The following SUPT3H variants were observed in gnomAD, a reference collection of about 807,000 sequenced individuals.
SUPT3H encodes transcription initiation protein SPT3 homolog.
A neutral mutation model predicts 44.3 loss-of-function variants in SUPT3H; 44 were observed. That is an observed-to-expected ratio of 0.99 (90% confidence interval 0.78 to 1.28). SUPT3H has a LOEUF of 1.28. Ranked by LOEUF, SUPT3H falls within the 50% of genes most tolerant of loss-of-function variation. The pLI, the probability that SUPT3H is intolerant of heterozygous loss-of-function variation, is 0.00. For synonymous variants in SUPT3H, 124 were observed against 125.6 expected, an observed-to-expected ratio of 0.99 and a Z score of 0.09; for missense variants, 380 against 387.1, an observed-to-expected ratio of 0.98 and a Z score of 0.15.
At chr6:45,196,519 A>C (rs1816058572) in intron 2 of SUPT3H, among the ~76,000 whole-genome samples, 2 of 152,130 alleles carry the variant, frequency 1.3e-5, no homozygotes, top group Middle Eastern at 3.4e-3. Flanking sequence ...ATTTTCACTA[A>C]CTGAAAGACT....
chr6:45,043,167 A>ACACC (rs1011090608), intron 3 of SUPT3H, among the ~76,000 whole-genome samples: 1 of 151,304 alleles, frequency 6.6e-6, no homozygotes, highest in Admixed American at 6.6e-5. Flanking sequence ...ACACACACAC[A>ACACC]CACGCACACA....
At chr6:45,054,073 A>AGG (rs1434395690) in intron 3 of SUPT3H, among the ~76,000 whole-genome samples, 5 of 152,056 alleles carry the variant, frequency 3.3e-5, no homozygotes, top group Non-Finnish European at 5.9e-5. Context: ...AGTTCCCTTC[A>AGG]GTTTATGTGT....
chr6:45,286,357 G>C (rs1233385454), intron 2 of SUPT3H, among the ~76,000 whole-genome samples: 1 of 152,044 alleles, frequency 6.6e-6, no homozygotes, highest in Non-Finnish European at 1.5e-5. Flanking sequence ...TCTGACAAAG[G>C]GCGAATATCT....
chr6:45,242,825 A>G (rs904882823), intron 2 of SUPT3H, among the ~76,000 whole-genome samples: 1 of 152,164 alleles, frequency 6.6e-6, no homozygotes, highest in Non-Finnish European at 1.5e-5. Context: ...TAAGGCCCAT[A>G]AACAGAAGAA....
intron 3 of SUPT3H, among the ~76,000 whole-genome samples, chr6:45,078,171 TCCTCCGGTCATTTTATA>T (rs1405492763): frequency 6.6e-6 from 1 of 152,110 alleles, no homozygotes; most frequent in Non-Finnish European, 1.5e-5. Flanking sequence ...CCATGTCCAG[TCCTCCGGTCATTTTATA>T]CCTCCTTTCT....
chr6:44,925,212 G>A (rs1017957582), intron 10 of SUPT3H, among the ~76,000 whole-genome samples: 3 of 152,120 alleles, frequency 2.0e-5, no homozygotes, highest in Admixed American at 6.6e-5. Flanking sequence ...AGAGTCAGGA[G>A]GCTGGATTCT....
intron 2 of SUPT3H, among the ~76,000 whole-genome samples, chr6:45,284,861 G>A (rs950052117): frequency 2.6e-5 from 4 of 152,140 alleles, no homozygotes; most frequent in African/African-American, 9.7e-5. Context: ...CTGGCAAACC[G>A]AATTCAGCAG....
At chr6:45,281,839 A>C (rs1052304304) in intron 2 of SUPT3H, among the ~76,000 whole-genome samples, 2 of 152,130 alleles carry the variant, frequency 1.3e-5, no homozygotes, top group Non-Finnish European at 2.9e-5. Context: ...GGCACCCCCC[A>C]GTAGGGGCAG....
chr6:45,297,624 T>C (rs370172836), intron 2 of SUPT3H, among the ~76,000 whole-genome samples: 2 of 152,324 alleles, frequency 1.3e-5, no homozygotes, highest in East Asian at 3.9e-4. Context: ...AACCAATAAA[T>C]TGTTGGAGGC....
intron 2 of SUPT3H, among the ~76,000 whole-genome samples, chr6:45,190,124 T>A (rs913984872): frequency 3.9e-5 from 6 of 152,106 alleles, no homozygotes; most frequent in Admixed American, 1.3e-4. Flanking sequence ...ATGAATTAGG[T>A]TTCTTTACTA....
At chr6:45,315,907 A>T (rs1174496444) in intron 2 of SUPT3H, among the ~76,000 whole-genome samples, 1 of 150,018 alleles carries the variant, frequency 6.7e-6, no homozygotes, top group East Asian at 2.0e-4. Flanking sequence ...GAGTGGATAA[A>T]GAAGCTCAGA....
At chr6:44,986,679 G>A (rs978671125) in intron 6 of SUPT3H, among the ~76,000 whole-genome samples, 1 of 152,038 alleles carries the variant, frequency 6.6e-6, no homozygotes, top group Non-Finnish European at 1.5e-5. Flanking sequence ...TTTCTGAACA[G>A]AATCACATAC....
At chr6:45,327,581 T>A (rs989050665) in intron 2 of SUPT3H, among the ~76,000 whole-genome samples, 26 of 151,972 alleles carry the variant, frequency 1.7e-4, no homozygotes, top group African/African-American at 5.8e-4. Context: ...TTACATTTAA[T>A]CTTTATTGTA....
At chr6:44,930,064 A>G (rs1032250901) in intron 10 of SUPT3H, among the ~76,000 whole-genome samples, 1 of 152,118 alleles carries the variant, frequency 6.6e-6, no homozygotes, top group Admixed American at 6.5e-5. Context: ...CCTGGCCAAC[A>G]TGGCGAAGTT....
At position 45,083,109 on chromosome 6, in the gene SUPT3H, A is replaced by G. The variant is rs1796022642; in HGVS notation, c.186+22813T>C. Reference sequence around the variant, plus strand: ...AGGAGAACTATAAAACCCTGCTGTAAGAAATCACAGAATGACACAAATGGA... The same window carrying G: ...AGGAGAACTATAAAACCCTGCTGTAGGAAATCACAGAATGACACAAATGGA... On this transcript the variant is annotated intron_variant, in intron 3 of 10. Transcript: ENST00000371459. Among the ~76,000 whole-genome samples the G allele has an allele frequency of 1.3e-5, 2 of 151,764 alleles. 1 individual carries two copies. Among genetic ancestry groups the G allele is most frequent in the South Asian group, 4.2e-4 (2 of 4,816 alleles).
intron 3 of SUPT3H, among the ~76,000 whole-genome samples, chr6:45,053,383 C>T (rs908258417): frequency 6.6e-6 from 1 of 151,724 alleles, no homozygotes; most frequent in Admixed American, 6.6e-5. Context: ...GAATAGCAAC[C>T]AAAAATTTAA....
At chr6:44,890,922 T>A (rs1763204781) in intron 10 of SUPT3H, among the ~76,000 whole-genome samples, 2 of 150,458 alleles carry the variant, frequency 1.3e-5, no homozygotes, top group Non-Finnish European at 3.0e-5. Context: ...CAAGTCGGAG[T>A]TGAACAATAA....
intron 2 of SUPT3H, among the ~76,000 whole-genome samples, chr6:45,246,890 A>C (rs1300559632): frequency 6.6e-6 from 1 of 152,230 alleles, no homozygotes; most frequent in Non-Finnish European, 1.5e-5. Flanking sequence ...GAAGGTCTTA[A>C]GTCAATAACC....
At chr6:45,239,069 A>C (rs1172043915) in intron 2 of SUPT3H, among the ~76,000 whole-genome samples, 1 of 152,230 alleles carries the variant, frequency 6.6e-6, no homozygotes. Context: ...ACTTCAGCTC[A>C]AAATGCGGAG....
Sources: allele counts gnomAD v4.1 joint callset (sites outside exome capture counted in the v4.1 genomes callset), GRCh38; gene constraint gnomAD v4.1.1; transcripts MANE v1.5; gene names NCBI Gene and HGNC (gene_info 2026-07-23, HGNC 2026-07-21).